GPC5: variants seen among roughly 807,000 people sequenced by gnomAD.
The protein encoded by GPC5 is glypican 5, also known as glypican-5.
In GPC5, 47 loss-of-function variants were observed where a neutral mutation model predicts 53.9. The observed-to-expected ratio is 0.87, with a 90% CI of 0.69 to 1.11. The LOEUF (loss-of-function observed/expected upper bound fraction) is 1.11. Ranked by LOEUF, GPC5 falls within the 50% of genes most tolerant of loss-of-function variation. GPC5 has a pLI of 0.00. For synonymous variants in GPC5, 286 were observed against 263.3 expected (o/e 1.09, Z -0.84); for missense variants, 748 against 713.1 (o/e 1.05, Z -0.56).
At chr13:91,788,359 C>G (rs1399106027) in intron 5 of GPC5, among the ~76,000 whole-genome samples, 1 of 152,188 alleles carries the variant, frequency 6.6e-6, no homozygotes, top group African/African-American at 2.4e-5. Context: ...TTCCCCAAGT[C>G]CTCACCTTTA....
chr13:91,538,683 C>A (rs761179124), intron 2 of GPC5, among the ~76,000 whole-genome samples: 3 of 150,604 alleles, frequency 2.0e-5, no homozygotes, highest in African/African-American at 7.3e-5. Context: ...CCCGGATTCA[C>A]GCCCTTCTCT....
intron 2 of GPC5, among the ~76,000 whole-genome samples, chr13:91,495,603 A>C (rs1884208652): frequency 6.6e-6 from 1 of 152,214 alleles, no homozygotes; most frequent in Non-Finnish European, 1.5e-5. Flanking sequence ...TTCCCTGCCT[A>C]GAATACTCCC....
At chr13:92,307,412 C>T (rs2043118096) in intron 7 of GPC5, among the ~76,000 whole-genome samples, 1 of 152,142 alleles carries the variant, frequency 6.6e-6, no homozygotes, top group African/African-American at 2.4e-5. Context: ...CGAGATCGTG[C>T]CATGGCACTC....
intron 7 of GPC5, among the ~76,000 whole-genome samples, chr13:92,454,034 TATATCCCATG>T (rs1164027648): frequency 6.6e-6 from 1 of 152,184 alleles, no homozygotes; most frequent in African/African-American, 2.4e-5. Context: ...ACCCTCTAAC[TATATCCCATG>T]ATACAAAGCT....
intron 5 of GPC5, among the ~76,000 whole-genome samples, chr13:91,799,185 C>CATGGTTGCAGCTGTAAGA (rs1176123264): frequency 6.6e-6 from 1 of 152,176 alleles, no homozygotes; most frequent in African/African-American, 2.4e-5. Context: ...TTTGCAGCAA[C>CATGGTTGCAGCTGTAAGA]ATGGTTGCAG....
intron 7 of GPC5, among the ~76,000 whole-genome samples, chr13:92,370,731 CAA>C (rs1470568335): frequency 2.6e-5 from 4 of 152,080 alleles, no homozygotes; most frequent in Non-Finnish European, 5.9e-5. Context: ...TGACTTTACC[CAA>C]AAGAGTTTAA....
At chr13:92,384,546 C>A (rs1339098805) in intron 7 of GPC5, among the ~76,000 whole-genome samples, 1 of 152,056 alleles carries the variant, frequency 6.6e-6, no homozygotes, top group Non-Finnish European at 1.5e-5. Flanking sequence ...ATAAATATCT[C>A]AGTGGTACAA....
At chr13:91,829,061 T>C (rs983185658) in intron 5 of GPC5, among the ~76,000 whole-genome samples, 4 of 152,082 alleles carry the variant, frequency 2.6e-5, no homozygotes, top group African/African-American at 9.7e-5. Context: ...AATGTTGTGT[T>C]CAGCACTTTA....
intron 7 of GPC5, among the ~76,000 whole-genome samples, chr13:92,403,346 G>A (rs1382855514): frequency 6.6e-6 from 1 of 152,154 alleles, no homozygotes; most frequent in Non-Finnish European, 1.5e-5. Context: ...CCAAGCCATG[G>A]CCGCCAACTG....
At chr13:91,615,629 T>C (rs2033675386) in intron 2 of GPC5, among the ~76,000 whole-genome samples, 1 of 152,104 alleles carries the variant, frequency 6.6e-6, no homozygotes, top group African/African-American at 2.4e-5. Context: ...ACAGTGGTAA[T>C]ATGTGATAGC....
chr13:92,365,746 C>T (rs1265455426), intron 7 of GPC5, among the ~76,000 whole-genome samples: 1 of 150,784 alleles, frequency 6.6e-6, no homozygotes, highest in Non-Finnish European at 1.5e-5. Context: ...TCAGGATCAT[C>T]AATACCGCTT....
intron 2 of GPC5, among the ~76,000 whole-genome samples, chr13:91,691,618 A>G (rs564769634): frequency 3.9e-5 from 6 of 152,326 alleles, no homozygotes; most frequent in Admixed American, 1.3e-4. Flanking sequence ...TGCAGGGTAG[A>G]TGCACCTTAA....
chr13:91,463,403 A>G (rs536180109), intron 2 of GPC5, among the ~76,000 whole-genome samples: 1 of 152,244 alleles, frequency 6.6e-6, no homozygotes, highest in Admixed American at 6.5e-5. Flanking sequence ...ATTTTTAAGG[A>G]GACTATAAAG....
At chr13:92,326,592 G>A (rs1432962947) in intron 7 of GPC5, among the ~76,000 whole-genome samples, 1 of 152,090 alleles carries the variant, frequency 6.6e-6, no homozygotes, top group African/African-American at 2.4e-5. Flanking sequence ...TTTTCTGCAA[G>A]TTGGCAAACT....
chr13:92,320,964 G>A (rs1055547005), intron 7 of GPC5, among the ~76,000 whole-genome samples: 1 of 151,994 alleles, frequency 6.6e-6, no homozygotes, highest in African/African-American at 2.4e-5. Flanking sequence ...TATTAAATTT[G>A]AAATTTAATA....
At chr13:92,424,737 C>T (rs1025618420) in intron 7 of GPC5, among the ~76,000 whole-genome samples, 57 of 151,846 alleles carry the variant, frequency 3.8e-4, no homozygotes, top group African/African-American at 1.4e-3. Context: ...TCAAGACTTG[C>T]TTCCTCTTTC....
intron 7 of GPC5, among the ~76,000 whole-genome samples, chr13:92,243,020 G>A (rs893976105): frequency 6.6e-6 from 1 of 152,142 alleles, no homozygotes; most frequent in African/African-American, 2.4e-5. Context: ...AGTCTTGACT[G>A]ATAGTTTTCT....
intron 7 of GPC5, among the ~76,000 whole-genome samples, chr13:92,186,843 C>T (rs922807894): frequency 6.6e-6 from 1 of 152,012 alleles, no homozygotes; most frequent in Non-Finnish European, 1.5e-5. Context: ...AATTTACTTC[C>T]GCTCATGCCT....
intron 4 of GPC5, among the ~76,000 whole-genome samples, chr13:91,736,612 A>G (rs1363181760): frequency 2.0e-5 from 3 of 151,552 alleles, no homozygotes; most frequent in Non-Finnish European, 4.4e-5. Flanking sequence ...ACTTAAAAAA[A>G]TAGACAAGGA....
Sources: allele counts gnomAD v4.1 joint callset (sites outside exome capture counted in the v4.1 genomes callset), GRCh38; gene constraint gnomAD v4.1.1; transcripts MANE v1.5; gene names NCBI Gene and HGNC (gene_info 2026-07-23, HGNC 2026-07-21).